The following BAZ1B variants were observed in gnomAD, a reference collection of about 807,000 sequenced individuals.
BAZ1B encodes tyrosine-protein kinase BAZ1B.
Under a neutral mutation model 153.8 loss-of-function variants are expected in BAZ1B, and 22 were observed. The ratio of observed to expected loss-of-function variants is 0.14; its 90% CI spans 0.10 to 0.20. The LOEUF is 0.20. Among genes scored for constraint, BAZ1B ranks in the 10% least tolerant of loss-of-function variants. The probability of loss-of-function intolerance (pLI) is 1.00; values close to 1 mark genes in which losing one functional copy is unlikely to be tolerated. For synonymous variants in BAZ1B, 676 were observed against 633.4 expected, an observed-to-expected ratio of 1.07 and a Z score of -1.01; for missense variants, 1,325 against 1,799.3, an observed-to-expected ratio of 0.74 and a Z score of 4.77.
chr7:73,497,972 TTTTG>T (rs1789982381), intron 4 of BAZ1B, among the ~76,000 whole-genome samples: 1 of 149,412 alleles, frequency 6.7e-6, no homozygotes, highest in African/African-American at 2.5e-5. Context: ...TGAGATGGAG[TTTTG>T]TTTTTGTGGC....
At chr7:73,508,953 C>CTGT (rs2116450789) in intron 2 of BAZ1B, among the ~76,000 whole-genome samples, 1 of 149,194 alleles carries the variant, frequency 6.7e-6, no homozygotes, top group South Asian at 2.1e-4. Flanking sequence ...GCGGAGCTTA[C>CTGT]AGTGAGCCGA....
chr7:73,503,380 T>A (rs11976712), intron 3 of BAZ1B, among the ~76,000 whole-genome samples: 9,309 of 151,912 alleles, frequency 0.061, 325 homozygotes, highest in African/African-American at 0.078. Context: ...CCCTTTCCTC[T>A]TTTTTTTGTT....
At chr7:73,508,268 C>G in intron 3 of BAZ1B, 59 bp downstream of exon 3, 1 of 1,561,144 alleles carries the variant, frequency 6.4e-7, no homozygotes, top group Non-Finnish European at 8.7e-7. Flanking sequence ...TGTTCTGTAA[C>G]CTACGATGAC....
chr7:73,442,603 C>T (rs1314209777), intron 18 of BAZ1B, 50 bp from the exon 19 acceptor site: 1 of 1,559,984 alleles, frequency 6.4e-7, no homozygotes. Context: ...ACGGCAGTGC[C>T]CCTGCCACTG....
chr7:73,512,736 C>A (rs1402517601), intron 1 of BAZ1B, among the ~76,000 whole-genome samples: 1 of 152,182 alleles, frequency 6.6e-6, no homozygotes, highest in East Asian at 1.9e-4. Context: ...GTGAACAATA[C>A]CTGTATATTC....
At chr7:73,482,872 AGCAGTCC>A (rs1342389981) in intron 6 of BAZ1B, among the ~76,000 whole-genome samples, 1 of 152,136 alleles carries the variant, frequency 6.6e-6, no homozygotes, top group Non-Finnish European at 1.5e-5. Context: ...TCCCCACGTG[AGCAGTCC>A]TTCAGTAACT....
At chr7:73,470,809 C>A (rs1554571895) in intron 7 of BAZ1B, among the ~76,000 whole-genome samples, 2 of 152,142 alleles carry the variant, frequency 1.3e-5, no homozygotes, top group African/African-American at 4.8e-5. Flanking sequence ...GATCTCGGCT[C>A]ACTGCAACCT....
rs1031374077 is a variant in BAZ1B at position 73,468,777 on chromosome 7, G to A, written c.2866+740C>T. Among the ~76,000 whole-genome samples, 14 of 152,226 alleles carry A rather than the reference G, an allele frequency of 9.2e-5. No homozygotes were observed. In the South Asian group the frequency reaches 1.2e-3, roughly 14 times the overall value. On this transcript the variant is annotated intron_variant, in intron 9 of 19. Transcript: ENST00000339594. Reference sequence around the variant, plus strand: ...GTTTGCTGCTATACCCCTAGCGTATGACAAACTGCTTCACAAATAGAGATT... The same window carrying A: ...GTTTGCTGCTATACCCCTAGCGTATAACAAACTGCTTCACAAATAGAGATT...
At chr7:73,485,917 G>A (rs1318033848) in intron 6 of BAZ1B, among the ~76,000 whole-genome samples, 2 of 152,054 alleles carry the variant, frequency 1.3e-5, no homozygotes, top group Non-Finnish European at 2.9e-5. Flanking sequence ...ACAAAATAGG[G>A]CTGCAATGTA....
At chr7:73,470,588 CA>C (rs1333309127) in intron 7 of BAZ1B, 105 bp from the exon 8 acceptor site, 2 of 1,328,470 alleles carry the variant, frequency 1.5e-6, no homozygotes, top group Admixed American at 2.4e-5. Flanking sequence ...CAGTAGTTAT[CA>C]AATCTTAGTT....
At chr7:73,465,102 T>G (rs1331847440) in intron 11 of BAZ1B, among the ~76,000 whole-genome samples, 1 of 152,162 alleles carries the variant, frequency 6.6e-6, no homozygotes, top group Admixed American at 6.6e-5. Flanking sequence ...TTCCACCTTT[T>G]GGCTCTTCTG....
intron 1 of BAZ1B, among the ~76,000 whole-genome samples, chr7:73,514,846 C>CTGAAG (rs1554579051): frequency 1.3e-5 from 2 of 151,954 alleles, no homozygotes; most frequent in African/African-American, 4.8e-5. Context: ...CTTTGGGAGG[C>CTGAAG]TGAAGTGGGT....
chr7:73,517,112 G>A (rs781977099), intron 1 of BAZ1B, among the ~76,000 whole-genome samples: 6 of 151,908 alleles, frequency 3.9e-5, no homozygotes, highest in African/African-American at 9.7e-5. Context: ...GAACCCAGGA[G>A]GCGGAGGTTG....
chr7:73,454,129 T>G lies in BAZ1B; in HGVS notation c.3433-3135A>C, dbSNP rs1788111187. Among the ~76,000 whole-genome samples the G allele has an allele frequency of 5.6e-5, 8 of 142,042 alleles. No individual in the cohort carries two copies. The South Asian group carries it at 1.7e-3, about 30-fold the overall frequency. The allele number at this position is 142,042 out of a possible 152,430, so 93.2% of individuals were successfully genotyped here. ...GCCTGGGCAATGTAGGGAAACCCCT[T>G]CTCTATAAATAAATAAATAAATAAA... On this transcript the variant is annotated intron_variant, in intron 13 of 19. Transcript: ENST00000339594.
rs781809552 is a variant in BAZ1B at position 73,442,163 on chromosome 7, C to G, written c.*15+18G>C. On this transcript the variant is annotated intron_variant, in intron 19 of 19. Transcript: ENST00000339594. ...CCTCCCACCCTCCCTAGCTGTCCCC[C>G]CACCTCAGCTCCCTTACCACGGCCC... 16 of 1,371,414 alleles carry G rather than the reference C, an allele frequency of 1.2e-5. No individual in the cohort carries two copies. Among genetic ancestry groups the G allele is most frequent in the South Asian group, 2.5e-5 (2 of 78,506 alleles). 85.0% of individuals were successfully genotyped at this position (1,371,414 alleles called of 1,614,324 possible).
chr7:73,442,901 T>C (rs1583879852), intron 17 of BAZ1B, 73 bp from the exon 18 acceptor site: 4 of 1,113,620 alleles, frequency 3.6e-6, no homozygotes, highest in East Asian at 2.4e-5. Context: ...AGAAAATAAG[T>C]GTATCTGCTC....
chr7:73,482,676 A>G (rs1352772937), intron 6 of BAZ1B, among the ~76,000 whole-genome samples: 1 of 152,130 alleles, frequency 6.6e-6, no homozygotes, highest in Non-Finnish European at 1.5e-5. Flanking sequence ...AACTTCTTCC[A>G]CTTAGAAGCA....
chr7:73,475,057 T>A (rs181131655), intron 7 of BAZ1B, among the ~76,000 whole-genome samples: 1 of 152,208 alleles, frequency 6.6e-6, no homozygotes. Flanking sequence ...ATGACTATCA[T>A]CAAAAAGTCA....
In BAZ1B at chr7:73,489,268, C is replaced by T. The variant is rs1554575014; in HGVS notation, c.817G>A (p.Val273Ile). 1.2e-6 allele frequency: 2 copies of T among 1,614,048 alleles called. No individual in the cohort carries two copies. The highest frequency in any genetic ancestry group is 1.6e-4 in the Middle Eastern group (1 of 6,084). Residue 273 changes from valine to isoleucine, a missense_variant, in exon 6 of 20, where the codon GTC (valine) becomes ATC (isoleucine). Physicochemically the swap from Val to Ile is conservative, Grantham distance 29. Coordinates refer to ENST00000339594, the MANE Select transcript of BAZ1B (RefSeq NM_032408.4). The stretch of plus-strand genomic sequence containing the variant: ...TTCTTCACCAATTCATCTTCTACGA[C>T]CCAAGGTGCATTTTCACCAGTACCA... ...RAGTGENAPW[V>I]VEDELVKKYS...
Sources: gnomAD v4.1 joint callset for allele counts (sites outside exome capture counted in the v4.1 genomes callset) on GRCh38, gnomAD v4.1.1 for gene constraint, MANE v1.5 for transcripts, NCBI Gene and HGNC (gene_info 2026-07-23, HGNC 2026-07-21) for gene names.